The following ESCO1 variants were observed in gnomAD, a reference collection of about 807,000 sequenced individuals.
The protein encoded by ESCO1 is N-acetyltransferase ESCO1.
ESCO1 carries 33 observed loss-of-function variants against 83.5 expected under a neutral mutation model. The ratio of observed to expected loss-of-function variants is 0.40; its 90% CI spans 0.30 to 0.53. The LOEUF (loss-of-function observed/expected upper bound fraction) is 0.53, where lower values mean the gene tolerates loss of function less well. Ranked by LOEUF, ESCO1 falls within the 20% of genes least tolerant of loss-of-function variation. The probability of loss-of-function intolerance (pLI) is 0.63; values close to 1 mark genes in which losing one functional copy is unlikely to be tolerated. For missense variants in ESCO1, 855 were observed against 968.0 expected, an observed-to-expected ratio of 0.88 and a Z score of 1.55; for synonymous variants, 332 against 324.3, an observed-to-expected ratio of 1.02 and a Z score of -0.25.
Position 21,529,689 on chromosome 18 carries a change from A to G in ESCO1, c.*654T>C, listed in dbSNP as rs1018339109. On this transcript the variant is annotated 3_prime_UTR_variant, in exon 12 of 12. Coordinates refer to ENST00000269214, the MANE Select transcript of ESCO1 (RefSeq NM_052911.3). ...CAGCTCTCCAAGAAGGAAAGCCTCA[A>G]TTCTTTACCACTTTCTACTTCCTCC... The G allele has an allele frequency of 6.6e-6, 1 of 152,214 alleles. No individual in the cohort carries two copies. Among genetic ancestry groups the G allele is most frequent in the African/African-American group, 2.4e-5 (1 of 41,464 alleles). The allele number at this position is 152,214 out of a possible 1,614,324, so 9.4% of individuals were successfully genotyped here.
chr18:21,554,993 G>A (rs539854205), intron 8 of ESCO1, among the ~76,000 whole-genome samples: 1 of 152,154 alleles, frequency 6.6e-6, no homozygotes, highest in African/African-American at 2.4e-5. Flanking sequence ...CTACTCCGGA[G>A]GTTGAGGCAG....
chr18:21,586,931 T>C (rs980824807), intron 1 of ESCO1, among the ~76,000 whole-genome samples: 14 of 152,214 alleles, frequency 9.2e-5, no homozygotes, highest in African/African-American at 3.4e-4. Flanking sequence ...TCTAGTTTGT[T>C]GAGCAGTTTT....
intron 1 of ESCO1, among the ~76,000 whole-genome samples, chr18:21,599,955 G>C (rs2038818630): frequency 6.6e-6 from 1 of 152,146 alleles, no homozygotes; most frequent in South Asian, 2.1e-4. Context: ...ACTTCACTGC[G>C]GCCCTCAATG....
At chr18:21,590,226 C>CTT (rs1182731940) in intron 1 of ESCO1, among the ~76,000 whole-genome samples, 2 of 143,484 alleles carry the variant, frequency 1.4e-5, no homozygotes, top group Non-Finnish European at 3.1e-5. Flanking sequence ...AACCCTTTTT[C>CTT]TTTTTTTTTT....
At chr18:21,562,446 A>G (rs2038199916) in intron 7 of ESCO1, among the ~76,000 whole-genome samples, 2 of 147,172 alleles carry the variant, frequency 1.4e-5, no homozygotes, top group South Asian at 2.2e-4. Context: ...ACTGCACTCC[A>G]GCCTGGGTGA....
At chr18:21,572,052 A>G (rs778391336) in intron 4 of ESCO1, among the ~76,000 whole-genome samples, 1 of 152,198 alleles carries the variant, frequency 6.6e-6, no homozygotes, top group Non-Finnish European at 1.5e-5. Flanking sequence ...ACTTTAAATC[A>G]CTTGCAAAAC....
At chr18:21,545,426 A>G in intron 8 of ESCO1, among the ~76,000 whole-genome samples, 1 of 151,068 alleles carries the variant, frequency 6.6e-6, no homozygotes, top group Non-Finnish European at 1.5e-5. Context: ...TACAAAAATT[A>G]GCCAGGCTTG....
At chr18:21,591,365 T>C (rs1010483800) in intron 1 of ESCO1, among the ~76,000 whole-genome samples, 18 of 152,322 alleles carry the variant, frequency 1.2e-4, no homozygotes, top group African/African-American at 4.3e-4. Flanking sequence ...AAATTTCTAT[T>C]GTTTTAAGCC....
intron 2 of ESCO1, among the ~76,000 whole-genome samples, chr18:21,576,631 C>T (rs999028237): frequency 6.6e-6 from 1 of 152,096 alleles, no homozygotes; most frequent in African/African-American, 2.4e-5. Flanking sequence ...ACTTAGTAGG[C>T]TCAAGAAAAT....
At chr18:21,591,450 A>C (rs1018316534) in intron 1 of ESCO1, among the ~76,000 whole-genome samples, 2 of 152,208 alleles carry the variant, frequency 1.3e-5, no homozygotes, top group African/African-American at 4.8e-5. Flanking sequence ...ATATCACATC[A>C]AGAAGCCTAC....
intron 8 of ESCO1, among the ~76,000 whole-genome samples, chr18:21,555,166 A>T (rs2038097475): frequency 6.6e-6 from 1 of 152,224 alleles, no homozygotes; most frequent in Non-Finnish European, 1.5e-5. Context: ...AGCCCATCAG[A>T]AAAGGCTACA....
chr18:21,589,809 C>A (rs556808462), intron 1 of ESCO1, among the ~76,000 whole-genome samples: 1 of 151,448 alleles, frequency 6.6e-6, no homozygotes, highest in South Asian at 2.1e-4. Context: ...AGATCCATTC[C>A]CACCAGTCAA....
Position 21,530,187 on chromosome 18 carries a change from T to G in ESCO1, c.*156A>C. The G allele has an allele frequency of 2.1e-6, 1 of 483,518 alleles. No homozygotes were observed. 30.0% of individuals were successfully genotyped at this position (483,518 alleles called of 1,614,324 possible). A position where few individuals can be genotyped will look rare whatever the true frequency, so the allele number is the denominator to read the frequency against. On this transcript the variant is annotated 3_prime_UTR_variant, in exon 12 of 12. Coordinates refer to ENST00000269214, the MANE Select transcript of ESCO1 (RefSeq NM_052911.3). The stretch of plus-strand genomic sequence containing the variant: ...AAAAAACAAAACAATAAGCTATTAC[T>G]GCATTGTTTCCAATTTTATGAAAAT...
At chr18:21,566,485 T>C (rs969254140) in intron 5 of ESCO1, among the ~76,000 whole-genome samples, 1 of 152,172 alleles carries the variant, frequency 6.6e-6, no homozygotes, top group Non-Finnish European at 1.5e-5. Flanking sequence ...GACTGAATAA[T>C]AAGGAAATTG....
intron 10 of ESCO1, among the ~76,000 whole-genome samples, chr18:21,533,511 G>C (rs1393071709): frequency 2.6e-5 from 4 of 152,088 alleles, no homozygotes; most frequent in African/African-American, 9.7e-5. Flanking sequence ...GGCCAGGCTG[G>C]TCTTGAACTC....
intron 2 of ESCO1, among the ~76,000 whole-genome samples, chr18:21,582,310 TC>T (rs1382408206): frequency 6.6e-6 from 1 of 151,712 alleles, no homozygotes; most frequent in East Asian, 1.9e-4. Context: ...GCTCACTGCA[TC>T]CTCCGCCTCC....
intron 10 of ESCO1, among the ~76,000 whole-genome samples, chr18:21,535,735 C>T (rs1342911919): frequency 6.6e-6 from 1 of 152,208 alleles, no homozygotes; most frequent in Non-Finnish European, 1.5e-5. Flanking sequence ...CAAGGCTGGT[C>T]TCAAACTCCT....
At chr18:21,582,144 T>C (rs1461320918) in intron 2 of ESCO1, among the ~76,000 whole-genome samples, 1 of 152,128 alleles carries the variant, frequency 6.6e-6, no homozygotes, top group Non-Finnish European at 1.5e-5. Flanking sequence ...CTAGGTAACC[T>C]ATTCTAGTTT....
intron 1 of ESCO1, among the ~76,000 whole-genome samples, chr18:21,592,642 T>G (rs1598481449): frequency 7.4e-6 from 1 of 134,274 alleles, no homozygotes; most frequent in Non-Finnish European, 1.6e-5. Context: ...GCGGCTGGCC[T>G]GGCGCGGGCT....
Sources: allele counts gnomAD v4.1 joint callset (sites outside exome capture counted in the v4.1 genomes callset), GRCh38; gene constraint gnomAD v4.1.1; transcripts MANE v1.5; gene names NCBI Gene and HGNC (gene_info 2026-07-23, HGNC 2026-07-21).